ARHGEF4: variants seen among roughly 807,000 people sequenced by gnomAD.
ARHGEF4 encodes Rho guanine nucleotide exchange factor 4.
Under a neutral mutation model 162.0 loss-of-function variants are expected in ARHGEF4, and 119 were observed. The ratio of observed to expected loss-of-function variants is 0.73; its 90% confidence interval spans 0.63 to 0.86. The LOEUF is 0.86. Among genes scored for constraint, ARHGEF4 ranks in the 40% least tolerant of loss-of-function variants. ARHGEF4 has a pLI of 0.00. For synonymous variants in ARHGEF4, 1,014 were observed against 979.9 expected, an observed-to-expected ratio of 1.03 and a Z score of -0.65; for missense variants, 2,488 against 2,456.0, an observed-to-expected ratio of 1.01 and a Z score of -0.28.
chr2:130,916,423 C>T lies in ARHGEF4; in HGVS notation c.2477C>T (p.Ser826Phe), dbSNP rs1681501711. The T allele has an allele frequency of 6.5e-7, 1 of 1,536,294 alleles. No homozygotes were observed. Among genetic ancestry groups the T allele is most frequent in the Middle Eastern group, 2.2e-4 (1 of 4,592 alleles). The change falls in exon 2 of 14, where the codon TCT becomes TTT. Residue 826 changes from serine (S) to phenylalanine (F), a missense_variant. Ser to Phe is a radical substitution (Grantham distance 155). Around this residue, in one of 6 missense-constraint regions of ARHGEF4, gnomAD observed 1,642 missense variants for 1,481.5 expected, o/e 1.11. Transcript: ENST00000409359. ...APTTEGRRWG[S>F]SGPEGLPREN... Reference sequence around the variant, plus strand: ...ACCACCGAGGGTCGCCGCTGGGGCTCTTCAGGCCCCGAGGGGCTCCCCAGG... The same window carrying T: ...ACCACCGAGGGTCGCCGCTGGGGCTTTTCAGGCCCCGAGGGGCTCCCCAGG...
At chr2:131,014,973 T>C (rs1688685746) in intron 4 of ARHGEF4, among the ~76,000 whole-genome samples, 1 of 152,082 alleles carries the variant, frequency 6.6e-6, no homozygotes, top group Non-Finnish European at 1.5e-5. Context: ...TGGCTGCGGG[T>C]TGCCTGAGGG....
At chr2:130,966,867 G>C (rs931530231) in intron 4 of ARHGEF4, among the ~76,000 whole-genome samples, 1 of 152,188 alleles carries the variant, frequency 6.6e-6, no homozygotes. Context: ...TGATCTGGGG[G>C]GTGCGCCCCA....
At chr2:130,849,420 G>A (rs922415136) in intron 1 of ARHGEF4, among the ~76,000 whole-genome samples, 1 of 152,124 alleles carries the variant, frequency 6.6e-6, no homozygotes, top group Non-Finnish European at 1.5e-5. Context: ...GCCCTGGCCT[G>A]TGAGGTGGGA....
intron 5 of ARHGEF4, among the ~76,000 whole-genome samples, chr2:131,028,449 C>A (rs995222163): frequency 2.0e-5 from 3 of 152,224 alleles, no homozygotes; most frequent in Non-Finnish European, 4.4e-5. Flanking sequence ...CCTGACCCCC[C>A]AACCAGCCAT....
At chr2:130,868,172 GC>G (rs1250811869) in intron 1 of ARHGEF4, among the ~76,000 whole-genome samples, 1 of 151,920 alleles carries the variant, frequency 6.6e-6, no homozygotes, top group Non-Finnish European at 1.5e-5. Flanking sequence ...TGATCCGCCC[GC>G]CCCGGCCTCC....
intron 3 of ARHGEF4, among the ~76,000 whole-genome samples, chr2:130,934,609 C>T (rs1682831278): frequency 6.6e-6 from 1 of 152,326 alleles, no homozygotes; most frequent in African/African-American, 2.4e-5. Context: ...GCAGCATGAT[C>T]TTGACTCACT....
chr2:130,948,357 A>G (rs1432506852), intron 4 of ARHGEF4, among the ~76,000 whole-genome samples: 1 of 152,232 alleles, frequency 6.6e-6, no homozygotes, highest in African/African-American at 2.4e-5. Context: ...CTCACAAGCA[A>G]AGTTATGAAA....
At chr2:131,035,004 G>T (rs1001198512) in intron 5 of ARHGEF4, 1 of 984,536 alleles carries the variant, frequency 1.0e-6, no homozygotes, top group Non-Finnish European at 1.2e-6. Context: ...GAGCGCAGGC[G>T]CCCCGCCTCT....
At chr2:130,880,110 C>T (rs763249012) in intron 1 of ARHGEF4, among the ~76,000 whole-genome samples, 58 of 152,324 alleles carry the variant, frequency 3.8e-4, no homozygotes, top group Admixed American at 1.2e-3. Context: ...GCCTGTGCAG[C>T]CTCTCGGCAG....
chr2:130,941,274 T>G (rs1489504070), intron 3 of ARHGEF4, among the ~76,000 whole-genome samples: 1 of 151,484 alleles, frequency 6.6e-6, no homozygotes, highest in Non-Finnish European at 1.5e-5. Flanking sequence ...TGGCGTGATC[T>G]CAGCCCACTT....
At position 130,914,040 on chromosome 2, in the gene ARHGEF4, C is replaced by T. The variant is rs753292892; in HGVS notation, c.94C>T (p.Leu32Phe). 30 of 1,536,130 alleles carry T rather than the reference C, an allele frequency of 2.0e-5. No individual in the cohort carries two copies. The highest frequency in any genetic ancestry group is 1.7e-4 in the Middle Eastern group (1 of 5,992). ...TGAAGGTGAGATTGAAGATAACCAGCTCCCCACATCCCCTGCAGAACAAGT... is the reference window on the plus strand; with the variant it reads ...TGAAGGTGAGATTGAAGATAACCAGTTCCCCACATCCCCTGCAGAACAAGT... ...PGEGEIEDNQ[L>F]PTSPAEQVEQ... Residue 32 changes from leucine to phenylalanine, a missense_variant, in exon 2 of 14, where the codon CTC (leucine) becomes TTC (phenylalanine). Around this residue, in one of 6 missense-constraint regions of ARHGEF4, gnomAD observed 171 missense variants for 169.4 expected, o/e 1.01. Coordinates refer to ENST00000409359, the MANE Select transcript of ARHGEF4 (RefSeq NM_001367493.1).
intron 4 of ARHGEF4, among the ~76,000 whole-genome samples, chr2:130,988,655 A>G (rs1686681216): frequency 6.6e-6 from 1 of 152,024 alleles, no homozygotes. Flanking sequence ...CCCCCACTTA[A>G]TAATATATTG....
chr2:131,039,906 C>G, intron 6 of ARHGEF4, 110 bp from the exon 7 acceptor site: 3 of 1,468,966 alleles, frequency 2.0e-6, no homozygotes, highest in Non-Finnish European at 2.7e-6. Flanking sequence ...AGCCCTGCGC[C>G]CCGTACACCC....
intron 5 of ARHGEF4, chr2:131,035,097 G>T (rs1049333133): frequency 3.3e-5 from 36 of 1,081,754 alleles, no homozygotes; most frequent in Admixed American, 2.1e-4. Context: ...GCGCCATGGC[G>T]AGGGCCCCGC....
intron 4 of ARHGEF4, among the ~76,000 whole-genome samples, chr2:131,010,213 T>C (rs189168772): frequency 6.6e-6 from 1 of 152,330 alleles, no homozygotes; most frequent in African/African-American, 2.4e-5. Context: ...AAATCTTTGT[T>C]CTAACTGTTC....
intron 4 of ARHGEF4, among the ~76,000 whole-genome samples, chr2:131,001,497 C>T (rs1281588438): frequency 6.6e-6 from 1 of 152,110 alleles, no homozygotes; most frequent in Non-Finnish European, 1.5e-5. Context: ...CCATACCCTT[C>T]ACATTGGCAG....
chr2:130,951,869 T>C (rs1056757841), intron 4 of ARHGEF4, among the ~76,000 whole-genome samples: 2 of 152,202 alleles, frequency 1.3e-5, no homozygotes, highest in East Asian at 1.9e-4. Flanking sequence ...ATTATACTTA[T>C]CAATGTTATA....
chr2:131,040,722 G>A (rs1158184581), intron 8 of ARHGEF4, among the ~76,000 whole-genome samples: 1 of 152,230 alleles, frequency 6.6e-6, no homozygotes, highest in South Asian at 2.1e-4. Flanking sequence ...GAGGCCTGCC[G>A]AGCGCCGCAG....
intron 1 of ARHGEF4, among the ~76,000 whole-genome samples, chr2:130,860,400 A>G (rs899157834): frequency 3.1e-5 from 2 of 64,740 alleles, no homozygotes; most frequent in Non-Finnish European, 5.1e-5. Flanking sequence ...ATAGGGTGGA[A>G]TACTGCTCAA....
Sources: allele counts gnomAD v4.1 joint callset (sites outside exome capture counted in the v4.1 genomes callset), GRCh38; gene constraint gnomAD v4.1.1; regional missense constraint gnomAD v4.1.1; transcripts MANE v1.5; gene names NCBI Gene and HGNC (gene_info 2026-07-23, HGNC 2026-07-21).